The following SIPA1L1 variants were observed in gnomAD, a reference collection of about 807,000 sequenced individuals.
The protein encoded by SIPA1L1 is signal induced proliferation associated 1 like 1.
In SIPA1L1, 26 loss-of-function variants were observed where a neutral mutation model predicts 162.7. The observed-to-expected ratio is 0.16, with a 90% CI of 0.12 to 0.22. SIPA1L1 has a LOEUF of 0.22. Among genes scored for constraint, SIPA1L1 ranks in the 10% least tolerant of loss-of-function variants. SIPA1L1 has a pLI of 1.00. For synonymous variants in SIPA1L1, 829 were observed against 837.4 expected (o/e 0.99, Z 0.17); for missense variants, 1,874 against 2,241.0 (o/e 0.84, Z 3.31).
chr14:71,723,344 T>C (rs921885017), intron 17 of SIPA1L1, among the ~76,000 whole-genome samples: 3 of 152,200 alleles, frequency 2.0e-5, no homozygotes, highest in African/African-American at 7.2e-5. Context: ...ACTGCCAGAC[T>C]TCCGTGACAA....
chr14:71,449,280 A>G (rs2045638328), intron 2 of SIPA1L1, among the ~76,000 whole-genome samples: 1 of 152,194 alleles, frequency 6.6e-6, no homozygotes, highest in African/African-American at 2.4e-5. Context: ...TTTAAACTCT[A>G]GTTATGGTTT....
At chr14:71,569,924 A>G (rs911368486) in intron 4 of SIPA1L1, among the ~76,000 whole-genome samples, 2 of 152,164 alleles carry the variant, frequency 1.3e-5, no homozygotes, top group Non-Finnish European at 2.9e-5. Context: ...CAGGACATGC[A>G]TGTCTCATTG....
intron 10 of SIPA1L1, among the ~76,000 whole-genome samples, chr14:71,666,987 C>A (rs1050613266): frequency 6.6e-6 from 1 of 151,986 alleles, no homozygotes; most frequent in Non-Finnish European, 1.5e-5. Flanking sequence ...AATTAATCAG[C>A]ATCCCTATTG....
At chr14:71,623,144 T>G (rs2148581047) in intron 6 of SIPA1L1, among the ~76,000 whole-genome samples, 1 of 152,352 alleles carries the variant, frequency 6.6e-6, no homozygotes, top group South Asian at 2.1e-4. Context: ...TGTTATACTT[T>G]GTTGGGTATA....
intron 2 of SIPA1L1, among the ~76,000 whole-genome samples, chr14:71,425,399 T>A (rs2043490531): frequency 6.6e-6 from 1 of 152,160 alleles, no homozygotes; most frequent in South Asian, 2.1e-4. Flanking sequence ...CCATAAGTTT[T>A]GGCATTTGTG....
Position 71,683,010 on chromosome 14 carries a change from T to C in SIPA1L1, c.3105-2352T>C, listed in dbSNP as rs2045945905. On this transcript the variant is annotated intron_variant, in intron 12 of 23. Coordinates refer to ENST00000381232, the MANE Select transcript of SIPA1L1 (RefSeq NM_001386936.1). The stretch of plus-strand genomic sequence containing the variant: ...CTCGACAAACAATACAAAAATTAGC[T>C]GAGCGTGGCAGTGCACACCTGTAGT... Among the ~76,000 whole-genome samples, 3 of 152,096 alleles carry C rather than the reference T, an allele frequency of 2.0e-5. No individual in the cohort carries two copies. In the South Asian group the frequency reaches 6.2e-4, roughly 31 times the overall value.
chr14:71,405,418 G>A (rs2041968474), intron 2 of SIPA1L1, among the ~76,000 whole-genome samples: 1 of 152,206 alleles, frequency 6.6e-6, no homozygotes, highest in Non-Finnish European at 1.5e-5. Context: ...ATAGACCATA[G>A]CAAGAAACTT....
chr14:71,667,219 G>A (rs947393467), intron 10 of SIPA1L1, among the ~76,000 whole-genome samples: 1 of 152,036 alleles, frequency 6.6e-6, no homozygotes, highest in East Asian at 1.9e-4. Flanking sequence ...CTGCCCCTCC[G>A]CTCTGCACAT....
intron 8 of SIPA1L1, among the ~76,000 whole-genome samples, chr14:71,655,266 C>G (rs541749483): frequency 6.6e-6 from 1 of 152,214 alleles, no homozygotes; most frequent in Admixed American, 6.5e-5. Context: ...ATAATGGCCT[C>G]CAGCTGCATG....
chr14:71,615,855 G>A lies in SIPA1L1; in HGVS notation c.1499-2902G>A, dbSNP rs368493779. On this transcript the variant is annotated intron_variant, in intron 5 of 23. Transcript: ENST00000381232. ...ACAAAAAATATAAAAAATTAGCCGG[G>A]CATGATGGTGCACACCTGTAATCCC... Among the ~76,000 whole-genome samples the A allele has an allele frequency of 1.9e-4, 29 of 152,250 alleles. No individual in the cohort carries two copies. The South Asian group carries it at 5.6e-3, about 29-fold the overall frequency.
At chr14:71,661,185 A>G (rs1202221190) in intron 9 of SIPA1L1, 125 bp from the exon 10 acceptor site, 3 of 911,028 alleles carry the variant, frequency 3.3e-6, no homozygotes, top group Non-Finnish European at 5.0e-6. Context: ...GTACCTGTGT[A>G]GATTACCTAC....
chr14:71,450,251 G>A (rs892685243), intron 2 of SIPA1L1, among the ~76,000 whole-genome samples: 1 of 151,852 alleles, frequency 6.6e-6, no homozygotes, highest in South Asian at 2.1e-4. Flanking sequence ...TTTCTATTTG[G>A]AGGGCTTACT....
chr14:71,558,745 A>G (rs1358158685), intron 4 of SIPA1L1, among the ~76,000 whole-genome samples: 1 of 152,108 alleles, frequency 6.6e-6, no homozygotes, highest in East Asian at 1.9e-4. Flanking sequence ...GTACAGTGGC[A>G]CAGTCATGGC....
intron 2 of SIPA1L1, among the ~76,000 whole-genome samples, chr14:71,471,586 A>G (rs995718400): frequency 6.6e-6 from 1 of 152,248 alleles, no homozygotes; most frequent in Non-Finnish European, 1.5e-5. Flanking sequence ...TTTTAAGGAC[A>G]GAAGACAGGG....
At chr14:71,398,353 A>ATT (rs1336461468) in intron 2 of SIPA1L1, 1 of 152,166 alleles carries the variant, frequency 6.6e-6, no homozygotes, top group African/African-American at 2.4e-5. Context: ...TCATGGCAAT[A>ATT]TTTTTTGTCA....
intron 2 of SIPA1L1, among the ~76,000 whole-genome samples, chr14:71,344,122 C>T (rs945220648): frequency 3.9e-5 from 6 of 152,230 alleles, no homozygotes; most frequent in Admixed American, 3.3e-4. Flanking sequence ...ATTTAATGTT[C>T]ATAGCAAACA....
At chr14:71,367,116 A>G (rs1179133290) in intron 2 of SIPA1L1, among the ~76,000 whole-genome samples, 1 of 152,018 alleles carries the variant, frequency 6.6e-6, no homozygotes, top group Non-Finnish European at 1.5e-5. Context: ...AAATAGTAAT[A>G]CTTTGTGTGT....
At chr14:71,398,738 G>T (rs890639448) in intron 2 of SIPA1L1, among the ~76,000 whole-genome samples, 2 of 152,204 alleles carry the variant, frequency 1.3e-5, no homozygotes, top group Admixed American at 1.3e-4. Flanking sequence ...CAGATAGATA[G>T]TAAGGACAAA....
At chr14:71,638,091 A>G (rs1044390643) in intron 7 of SIPA1L1, among the ~76,000 whole-genome samples, 9 of 152,356 alleles carry the variant, frequency 5.9e-5, no homozygotes, top group African/African-American at 1.2e-4. Context: ...AATGAAATCT[A>G]CTGGGCCAGA....
Sources: allele counts gnomAD v4.1 joint callset (sites outside exome capture counted in the v4.1 genomes callset), GRCh38; gene constraint gnomAD v4.1.1; transcripts MANE v1.5; gene names NCBI Gene and HGNC (gene_info 2026-07-23, HGNC 2026-07-21).